Variants in NMNAT2 observed in about 807,000 individuals in gnomAD.
NMNAT2 encodes nicotinamide/nicotinic acid mononucleotide adenylyltransferase 2.
In NMNAT2, 11 loss-of-function variants were observed where a neutral mutation model predicts 41.6. The observed-to-expected ratio is 0.26, with a 90% confidence interval of 0.17 to 0.44. The LOEUF (loss-of-function observed/expected upper bound fraction) is 0.44. NMNAT2 is among the 20% of genes least tolerant of loss of function. The pLI, the probability that NMNAT2 is intolerant of heterozygous loss-of-function variation, is 1.00. For missense variants in NMNAT2, 288 were observed against 407.7 expected, an observed-to-expected ratio of 0.71 and a Z score of 2.53; for synonymous variants, 148 against 151.2, an observed-to-expected ratio of 0.98 and a Z score of 0.16.
intron 1 of NMNAT2, among the ~76,000 whole-genome samples, chr1:183,387,022 C>T (rs903424857): frequency 1.3e-5 from 2 of 151,548 alleles, no homozygotes; most frequent in African/African-American, 2.4e-5. Flanking sequence ...GTTGAAAATG[C>T]CTGTGATTAG....
intron 10 of NMNAT2, 91 bp from the exon 11 acceptor site, chr1:183,252,834 T>G (rs1660427506): frequency 3.3e-6 from 3 of 910,724 alleles, no homozygotes; most frequent in Non-Finnish European, 5.4e-6. Flanking sequence ...GCACCCCATT[T>G]GTAGCCTTTT....
At chr1:183,298,237 A>C (rs1421879929) in intron 1 of NMNAT2, among the ~76,000 whole-genome samples, 2 of 152,188 alleles carry the variant, frequency 1.3e-5, no homozygotes, top group East Asian at 3.8e-4. Context: ...TACAGATAAA[A>C]AAAGGAAAAT....
At chr1:183,282,022 C>A (rs894005200) in intron 7 of NMNAT2, among the ~76,000 whole-genome samples, 1 of 152,200 alleles carries the variant, frequency 6.6e-6, no homozygotes, top group Admixed American at 6.5e-5. Flanking sequence ...ATGTGAAGCC[C>A]GGGCCCTGCA....
At position 183,261,058 on chromosome 1, in the gene NMNAT2, C is replaced by T. The variant is rs1451605225; in HGVS notation, c.765G>A (p.Met255Ile). 2 of 1,613,872 alleles carry T rather than the reference C, an allele frequency of 1.2e-6. No homozygotes were observed. Among genetic ancestry groups the T allele is most frequent in the South Asian group, 1.1e-5 (1 of 91,076 alleles). ...GATGGTTGATGTCATCCTTCACCAC[C>T]ATGATGTTGTTCTGAGGACAGAGCA... ...SILRKYKNNI[M>I]VVKDDINHPM... The change falls in exon 10 of 11, where the codon ATG becomes ATA. Residue 255 changes from methionine (M) to isoleucine (I), a missense_variant. Transcript: ENST00000287713.
At chr1:183,358,974 G>A (rs1200321242) in intron 1 of NMNAT2, among the ~76,000 whole-genome samples, 1 of 152,164 alleles carries the variant, frequency 6.6e-6, no homozygotes, top group East Asian at 1.9e-4. Context: ...GAAAGTTTGA[G>A]CAGATACGCC....
chr1:183,279,452 A>C (rs954512841), intron 7 of NMNAT2, among the ~76,000 whole-genome samples: 2 of 152,176 alleles, frequency 1.3e-5, no homozygotes, highest in Non-Finnish European at 1.5e-5. Flanking sequence ...CCTCTCATCA[A>C]GAGGCCGAGG....
chr1:183,319,860 TGAGCA>T (rs1457434958), intron 1 of NMNAT2, among the ~76,000 whole-genome samples: 1 of 152,234 alleles, frequency 6.6e-6, no homozygotes, highest in African/African-American at 2.4e-5. Context: ...GCCGTGTCTT[TGAGCA>T]TCTGCAGTTC....
intron 1 of NMNAT2, among the ~76,000 whole-genome samples, chr1:183,367,188 G>T (rs948667739): frequency 6.6e-6 from 1 of 152,208 alleles, no homozygotes; most frequent in South Asian, 2.1e-4. Flanking sequence ...GCCGGGAGTG[G>T]TGGCTCAGGC....
Position 183,251,073 on chromosome 1 carries a change from C to T in NMNAT2, c.*1568G>A, listed in dbSNP as rs1014462556. On this transcript the variant is annotated 3_prime_UTR_variant, in exon 11 of 11. Transcript: ENST00000287713. Reference sequence around the variant, plus strand: ...CTCCAAGCAGGACACGCATGAGACCCTAGTAACCAGAAGCAAAGCTGGCAA... The same window carrying T: ...CTCCAAGCAGGACACGCATGAGACCTTAGTAACCAGAAGCAAAGCTGGCAA... 6.6e-6 allele frequency: 1 copy of T among 152,154 alleles called. No individual in the cohort carries two copies. Among genetic ancestry groups the T allele is most frequent in the African/African-American group, 2.4e-5 (1 of 41,414 alleles). 9.4% of individuals were successfully genotyped at this position (152,154 alleles called of 1,614,324 possible).
intron 1 of NMNAT2, among the ~76,000 whole-genome samples, chr1:183,319,175 G>T (rs1265473588): frequency 1.3e-5 from 2 of 152,154 alleles, no homozygotes; most frequent in South Asian, 2.1e-4. Context: ...CTGGCTGGGG[G>T]CTCAGTTGAC....
chr1:183,374,495 A>C (rs984305512), intron 1 of NMNAT2, among the ~76,000 whole-genome samples: 3 of 152,228 alleles, frequency 2.0e-5, no homozygotes, highest in African/African-American at 7.2e-5. Flanking sequence ...GAGCTTCAGA[A>C]AATGGTTTAG....
chr1:183,286,907 C>T lies in NMNAT2; in HGVS notation c.322-119G>A. 3.7e-6 allele frequency: 4 copies of T among 1,083,614 alleles called. No individual in the cohort carries two copies. In the South Asian group the frequency reaches 5.1e-5, roughly 14 times the overall value. The allele number at this position is 1,083,614 out of a possible 1,614,324, so 67.1% of individuals were successfully genotyped here. ...AGGCCACCCAGAGCTGAGGAAGAGC[C>T]CTGGGGATGGGTTCTAGACCCAGCT... is the stretch of plus-strand genomic sequence containing the variant. On this transcript the variant is annotated intron_variant, in intron 4 of 10. Transcript: ENST00000287713.
At chr1:183,404,799 T>C (rs1028806325) in intron 1 of NMNAT2, among the ~76,000 whole-genome samples, 2 of 152,206 alleles carry the variant, frequency 1.3e-5, no homozygotes, top group Admixed American at 6.5e-5. Flanking sequence ...AGAAAGGAAT[T>C]AGACATCTTC....
chr1:183,276,999 C>A (rs1661138265), intron 8 of NMNAT2, among the ~76,000 whole-genome samples: 1 of 152,170 alleles, frequency 6.6e-6, no homozygotes, highest in South Asian at 2.1e-4. Context: ...TGCCCTTCAC[C>A]TTACATAGCT....
intron 1 of NMNAT2, among the ~76,000 whole-genome samples, chr1:183,402,480 C>T (rs1002925770): frequency 3.3e-5 from 5 of 152,222 alleles, no homozygotes; most frequent in African/African-American, 1.2e-4. Context: ...CAAACTTCTA[C>T]ACTTCAGAAT....
intron 1 of NMNAT2, among the ~76,000 whole-genome samples, chr1:183,295,193 G>A (rs952771160): frequency 6.6e-6 from 1 of 152,060 alleles, no homozygotes; most frequent in Non-Finnish European, 1.5e-5. Flanking sequence ...TAGTAGAGAC[G>A]GGTTCCACGT....
At chr1:183,383,661 G>A (rs1303174259) in intron 1 of NMNAT2, among the ~76,000 whole-genome samples, 3 of 152,126 alleles carry the variant, frequency 2.0e-5, no homozygotes, top group African/African-American at 7.2e-5. Context: ...CAAGTTCAAA[G>A]TTCCACAAAT....
chr1:183,403,299 G>A (rs536264130), intron 1 of NMNAT2, among the ~76,000 whole-genome samples: 5 of 152,020 alleles, frequency 3.3e-5, no homozygotes, highest in Non-Finnish European at 7.4e-5. Flanking sequence ...GAAACATGTC[G>A]TTTCTCAATT....
chr1:183,369,241 C>CT (rs1049585408), intron 1 of NMNAT2, among the ~76,000 whole-genome samples: 65 of 136,552 alleles, frequency 4.8e-4, no homozygotes, highest in Middle Eastern at 7.2e-3. Context: ...GGAAGGTATT[C>CT]TTTTTTTTTT....
Sources: allele counts gnomAD v4.1 joint callset (sites outside exome capture counted in the v4.1 genomes callset), GRCh38; gene constraint gnomAD v4.1.1; transcripts MANE v1.5; gene names NCBI Gene and HGNC (gene_info 2026-07-23, HGNC 2026-07-21).